The following CHRNB4 variants were observed in gnomAD, a reference collection of about 807,000 sequenced individuals.
The protein encoded by CHRNB4 is cholinergic receptor nicotinic beta 4 subunit, also known as neuronal acetylcholine receptor subunit beta-4.
Under a neutral mutation model 40.4 loss-of-function variants are expected in CHRNB4, and 23 were observed. The ratio of observed to expected loss-of-function variants is 0.57; its 90% CI spans 0.41 to 0.81. CHRNB4 has a LOEUF of 0.81. Among genes scored for constraint, CHRNB4 ranks in the 30% least tolerant of loss-of-function variants. The probability of loss-of-function intolerance (pLI) is 0.00; values close to 1 mark genes in which losing one functional copy is unlikely to be tolerated. For synonymous variants in CHRNB4, 285 were observed against 274.4 expected (o/e 1.04, Z -0.38); for missense variants, 568 against 670.6 (o/e 0.85, Z 1.69).
Position 78,652,078 on chromosome 15 carries a change from A to T in CHRNB4, c.-16+500T>A, listed in dbSNP as rs1246303925. On this transcript the variant is annotated intron_variant and NMD_transcript_variant, in intron 6 of 11. Transcript: ENST00000559849. ...CAGGGAAGGAGTTTGGTGAAGCTGG[A>T]GTTTGAACCTGTGATTACCAAGCAG... Among the ~76,000 whole-genome samples the T allele has an allele frequency of 5.9e-5, 9 of 152,328 alleles. No homozygotes were observed. The South Asian group carries it at 1.9e-3, about 32-fold the overall frequency.
At chr15:78,638,626 G>GC (rs1327631923) in intron 1 of CHRNB4, among the ~76,000 whole-genome samples, 1 of 75,326 alleles carries the variant, frequency 1.3e-5, no homozygotes, top group Non-Finnish European at 4.5e-5. Flanking sequence ...TGGCCGGGGG[G>GC]CCGGGGGGGT....
intron 3 of CHRNB4, among the ~76,000 whole-genome samples, chr15:78,656,929 C>T (rs1567142992): frequency 6.6e-6 from 1 of 152,212 alleles, no homozygotes; most frequent in Non-Finnish European, 1.5e-5. Context: ...ACATTGGAGA[C>T]CAGGCATCTG....
At chr15:78,653,841 C>G (rs186878189) in intron 5 of CHRNB4, among the ~76,000 whole-genome samples, 2 of 152,296 alleles carry the variant, frequency 1.3e-5, no homozygotes, top group East Asian at 3.9e-4. Context: ...ACCTCCTCCT[C>G]TTATCATTTA....
chr15:78,646,568 T>G (rs968442648), intron 7 of CHRNB4, among the ~76,000 whole-genome samples: 1 of 152,202 alleles, frequency 6.6e-6, no homozygotes, highest in African/African-American at 2.4e-5. Context: ...GGTGCCACCA[T>G]GGTCGGCTCT....
chr15:78,636,555 T>C (rs894776733), intron 1 of CHRNB4, among the ~76,000 whole-genome samples: 1 of 152,074 alleles, frequency 6.6e-6, no homozygotes. Flanking sequence ...CTTCTGGCCA[T>C]AGCCTACTGT....
chr15:78,659,630 A>G (rs1284704081), intron 1 of CHRNB4, among the ~76,000 whole-genome samples: 2 of 152,228 alleles, frequency 1.3e-5, no homozygotes, highest in Non-Finnish European at 2.9e-5. Flanking sequence ...CAGACAGAGT[A>G]GGAGATGGCA....
At chr15:78,632,217 T>TTCTTTCTCTTTCTC (rs2053840340) in intron 2 of CHRNB4, among the ~76,000 whole-genome samples, 2 of 86,016 alleles carry the variant, frequency 2.3e-5, no homozygotes, top group African/African-American at 1.6e-4. Context: ...TTCTTTCTCT[T>TTCTTTCTCTTTCTC]TCTCTCTCTC....
chr15:78,653,239 G>C (rs2054187626), intron 5 of CHRNB4, among the ~76,000 whole-genome samples: 1 of 152,150 alleles, frequency 6.6e-6, no homozygotes, highest in Non-Finnish European at 1.5e-5. Flanking sequence ...ACTTCCATCT[G>C]AAAGTTCTGA....
At chr15:78,653,788 A>T (rs572565602) in intron 5 of CHRNB4, among the ~76,000 whole-genome samples, 48 of 152,264 alleles carry the variant, frequency 3.2e-4, no homozygotes, top group African/African-American at 1.1e-3. Flanking sequence ...ACTTTGTTAG[A>T]TCTGGCATGG....
intron 2 of CHRNB4, among the ~76,000 whole-genome samples, chr15:78,632,616 AT>A (rs964561371): frequency 4.7e-5 from 7 of 149,816 alleles, no homozygotes; most frequent in African/African-American, 7.4e-5. Flanking sequence ...CAGTCTCCTT[AT>A]TTTTTTTTCG....
At chr15:78,637,053 C>T (rs1448129434) in intron 1 of CHRNB4, among the ~76,000 whole-genome samples, 1 of 152,174 alleles carries the variant, frequency 6.6e-6, no homozygotes, top group African/African-American at 2.4e-5. Flanking sequence ...TAAGGTCCCT[C>T]TGAGACACCA....
At chr15:78,639,106 T>C (rs1035183837) in intron 1 of CHRNB4, among the ~76,000 whole-genome samples, 4 of 152,204 alleles carry the variant, frequency 2.6e-5, no homozygotes, top group African/African-American at 9.7e-5. Context: ...GTATATCCAA[T>C]CTAAAAATTT....
At chr15:78,651,007 C>T (rs1267121031) in intron 6 of CHRNB4, among the ~76,000 whole-genome samples, 1 of 152,018 alleles carries the variant, frequency 6.6e-6, no homozygotes, top group Non-Finnish European at 1.5e-5. Context: ...AGTATTTGGC[C>T]CTCTGACATC....
chr15:78,657,412 A>G (rs1196067911), intron 2 of CHRNB4: 1 of 152,234 alleles, frequency 6.6e-6, no homozygotes, highest in Non-Finnish European at 1.5e-5. Context: ...AATATCCAGT[A>G]AATATTTGTT....
rs572043516 is a variant in CHRNB4 at position 78,659,162 on chromosome 15, C to T, written c.-850-793G>A. Among the ~76,000 whole-genome samples, 13 of 152,232 alleles carry T rather than the reference C, an allele frequency of 8.5e-5. No individual in the cohort carries two copies. The South Asian group carries it at 2.3e-3, about 27-fold the overall frequency. ...AAGAAATAGGGCCAGGTGAGGGTGGCTCATGCCTGGAGTCCCAGCACTTTG... is the reference window on the plus strand; with the variant it reads ...AAGAAATAGGGCCAGGTGAGGGTGGTTCATGCCTGGAGTCCCAGCACTTTG... On this transcript the variant is annotated intron_variant and NMD_transcript_variant, in intron 1 of 11. Coordinates refer to the CHRNB4 transcript ENST00000559849.
rs1211891624 is a variant in CHRNB4 at position 78,641,210 on chromosome 15, T to C, written c.-77A>G. The C allele has an allele frequency of 1.5e-6, 2 of 1,324,172 alleles. No homozygotes were observed. The highest frequency in any genetic ancestry group is 3.0e-5 in the East Asian group (1 of 33,484). 82.0% of individuals were successfully genotyped at this position (1,324,172 alleles called of 1,614,324 possible). A position where few individuals can be genotyped will look rare whatever the true frequency, so the allele number is the denominator to read the frequency against. Reference sequence around the variant, plus strand: ...GGCACCCGTGAGCCGCGCGGTCGAGTGAGCGCCGGTCCTGGCCCCCGAGGT... The same window carrying C: ...GGCACCCGTGAGCCGCGCGGTCGAGCGAGCGCCGGTCCTGGCCCCCGAGGT... On this transcript the variant is annotated 5_prime_UTR_variant, in exon 1 of 6. Transcript: ENST00000261751.
intron 5 of CHRNB4, chr15:78,625,952 G>A (rs1484533598): frequency 1.3e-5 from 2 of 152,466 alleles, no homozygotes; most frequent in African/African-American, 4.8e-5. Context: ...CCTTTGCACT[G>A]GGGGAGAACC....
chr15:78,657,536 A>C (rs1052724646), intron 2 of CHRNB4, among the ~76,000 whole-genome samples: 1 of 152,068 alleles, frequency 6.6e-6, no homozygotes, highest in Non-Finnish European at 1.5e-5. Flanking sequence ...CTGTTCCCAT[A>C]ATGCTAGAGG....
chr15:78,640,295 T>A (rs2054041989), intron 1 of CHRNB4, among the ~76,000 whole-genome samples: 1 of 152,074 alleles, frequency 6.6e-6, no homozygotes, highest in Admixed American at 6.6e-5. Context: ...GGAATTCAGG[T>A]GGGGAAACTG....
Sources: gnomAD v4.1 joint callset for allele counts (sites outside exome capture counted in the v4.1 genomes callset) on GRCh38, gnomAD v4.1.1 for gene constraint, MANE v1.5 for transcripts, NCBI Gene and HGNC (gene_info 2026-07-23, HGNC 2026-07-21) for gene names.